Variants in ERBB4 observed in about 807,000 individuals in gnomAD.
ERBB4 encodes the protein receptor tyrosine-protein kinase erbB-4.
A neutral mutation model predicts 158.0 loss-of-function variants in ERBB4; 42 were observed. The observed-to-expected ratio is 0.27, with a 90% CI of 0.21 to 0.34. The LOEUF (loss-of-function observed/expected upper bound fraction) is 0.34. Among genes scored for constraint, ERBB4 ranks in the 10% least tolerant of loss-of-function variants. ERBB4 has a pLI of 1.00. For synonymous variants in ERBB4, 583 were observed against 558.7 expected (o/e 1.04, Z -0.61); for missense variants, 1,333 against 1,624.1 (o/e 0.82, Z 3.08).
intron 1 of ERBB4, among the ~76,000 whole-genome samples, chr2:212,368,929 C>G (rs2089990288): frequency 6.6e-6 from 1 of 152,108 alleles, no homozygotes; most frequent in Non-Finnish European, 1.5e-5. Flanking sequence ...CATTGACATC[C>G]CCTGGAACTC....
At chr2:211,540,061 A>G (rs2066756986) in intron 20 of ERBB4, among the ~76,000 whole-genome samples, 1 of 151,886 alleles carries the variant, frequency 6.6e-6, no homozygotes, top group South Asian at 2.1e-4. Flanking sequence ...GTAAGTCTTG[A>G]TGATATTGCT....
At chr2:212,025,804 C>T (rs758834349) in intron 2 of ERBB4, among the ~76,000 whole-genome samples, 21 of 151,598 alleles carry the variant, frequency 1.4e-4, no homozygotes, top group Non-Finnish European at 2.7e-4. Flanking sequence ...AAGTGATGAG[C>T]CAAAATTCAT....
intron 2 of ERBB4, among the ~76,000 whole-genome samples, chr2:212,079,027 C>A (rs542592628): frequency 6.6e-6 from 1 of 150,972 alleles, no homozygotes; most frequent in Non-Finnish European, 1.5e-5. Context: ...TTTTCTATTT[C>A]ATTTTTATAT....
chr2:211,777,865 A>G (rs1327891542), intron 4 of ERBB4: 1 of 152,208 alleles, frequency 6.6e-6, no homozygotes, highest in East Asian at 1.9e-4. Flanking sequence ...TAACTTAGAA[A>G]TTTAGTTTAA....
At chr2:211,932,789 G>A (rs2080212665) in intron 3 of ERBB4, among the ~76,000 whole-genome samples, 1 of 151,918 alleles carries the variant, frequency 6.6e-6, no homozygotes, top group Non-Finnish European at 1.5e-5. Flanking sequence ...GGATTAAAAT[G>A]TAAATGAACT....
chr2:211,974,696 AG>A (rs1406463546), intron 2 of ERBB4, among the ~76,000 whole-genome samples: 1 of 152,190 alleles, frequency 6.6e-6, no homozygotes, highest in Non-Finnish European at 1.5e-5. Context: ...CAGAGGCTGC[AG>A]TGAGCCAAGG....
chr2:211,439,778 T>C (rs971331226), intron 20 of ERBB4, among the ~76,000 whole-genome samples: 2 of 152,194 alleles, frequency 1.3e-5, no homozygotes, highest in East Asian at 3.8e-4. Flanking sequence ...ATAAATGCAA[T>C]TTAAAATCTG....
chr2:212,208,384 T>C (rs963523748), intron 1 of ERBB4, among the ~76,000 whole-genome samples: 2 of 152,246 alleles, frequency 1.3e-5, no homozygotes, highest in Admixed American at 1.3e-4. Context: ...TATAATACTA[T>C]ACCATATTAT....
intron 1 of ERBB4, among the ~76,000 whole-genome samples, chr2:212,380,930 G>A (rs2090482997): frequency 6.6e-6 from 1 of 151,188 alleles, no homozygotes; most frequent in East Asian, 1.9e-4. Flanking sequence ...ATATTGGGTA[G>A]TCGGAATTAA....
intron 1 of ERBB4, among the ~76,000 whole-genome samples, chr2:212,142,178 A>G (rs1457707525): frequency 2.0e-5 from 3 of 152,180 alleles, no homozygotes; most frequent in Admixed American, 6.6e-5. Flanking sequence ...CACTTTGAGT[A>G]GCATCATTTC....
At chr2:212,274,418 T>C (rs940429859) in intron 1 of ERBB4, among the ~76,000 whole-genome samples, 6 of 151,852 alleles carry the variant, frequency 4.0e-5, no homozygotes, top group Non-Finnish European at 5.9e-5. Context: ...CCACAATTTA[T>C]TGGGAGATGA....
chr2:211,886,391 G>C (rs2078801879), intron 3 of ERBB4, among the ~76,000 whole-genome samples: 1 of 152,106 alleles, frequency 6.6e-6, no homozygotes, highest in East Asian at 1.9e-4. Flanking sequence ...CAAGAATAAT[G>C]CATGGTACAT....
At chr2:212,010,237 G>T (rs1378561690) in intron 2 of ERBB4, among the ~76,000 whole-genome samples, 1 of 152,140 alleles carries the variant, frequency 6.6e-6, no homozygotes, top group Non-Finnish European at 1.5e-5. Context: ...TGAAGACATG[G>T]ATAAGGTATT....
intron 2 of ERBB4, among the ~76,000 whole-genome samples, chr2:212,108,185 A>G (rs1403559097): frequency 6.6e-6 from 1 of 152,210 alleles, no homozygotes; most frequent in Non-Finnish European, 1.5e-5. Flanking sequence ...TTAGGCAGGA[A>G]AGAATAAAGA....
At position 211,673,210 on chromosome 2, in the gene ERBB4, G is replaced by A; in HGVS notation, c.1670C>T (p.Pro557Leu). ...ENGSICVECD[P>L]QCEKMEDGLL... is the part of the protein sequence containing the mutation. Reference sequence around the variant, plus strand: ...GCCATCTTCCATCTTCTCACACTGGGGGTCACACTCCACACAGATGGAGCC... The same window carrying A: ...GCCATCTTCCATCTTCTCACACTGGAGGTCACACTCCACACAGATGGAGCC... The change falls in exon 14 of 28, where the codon CCC becomes CTC. Residue 557 changes from proline to leucine, a missense_variant. Pro to Leu is a moderately conservative substitution (Grantham distance 98). Transcript: ENST00000342788. The A allele has an allele frequency of 6.2e-7, 1 of 1,613,674 alleles. No homozygotes were observed. The highest frequency in any genetic ancestry group is 8.5e-7 in the Non-Finnish European group (1 of 1,179,778).
intron 3 of ERBB4, among the ~76,000 whole-genome samples, chr2:211,883,599 T>C (rs1017424800): frequency 7.9e-5 from 12 of 151,882 alleles, no homozygotes; most frequent in African/African-American, 2.7e-4. Context: ...CCAACACGGT[T>C]GGTGAAAGAA....
intron 3 of ERBB4, among the ~76,000 whole-genome samples, chr2:211,944,215 C>CTATATATAT (rs1559155459): frequency 9.1e-6 from 1 of 110,488 alleles, no homozygotes; most frequent in African/African-American, 4.0e-5. Flanking sequence ...TATATATATA[C>CTATATATAT]ACACACACAC....
intron 2 of ERBB4, among the ~76,000 whole-genome samples, chr2:212,088,854 A>T (rs1575615359): frequency 6.6e-6 from 1 of 152,300 alleles, no homozygotes; most frequent in East Asian, 1.9e-4. Context: ...TGTGTTAAGC[A>T]TTCTCATGTA....
In ERBB4 at chr2:211,428,418, A is replaced by G. The variant is rs1237275032; in HGVS notation, c.2709T>C (p.Val903=). 1.3e-6 allele frequency: 2 copies of G among 1,579,564 alleles called. No homozygotes were observed. The highest frequency in any genetic ancestry group is 1.7e-6 in the Non-Finnish European group (2 of 1,149,704). Residue 903 remains valine, a synonymous_variant, in exon 22 of 28, where the codon GTT becomes GTC. Transcript: ENST00000342788. ...AGAAGATTTATTTACCATAGCTCCA[A>G]ACGTCACTCTGATGGGTGAATTTCC... is the stretch of plus-strand genomic sequence containing the variant. ...HYRKFTHQSD[V]WSYGVTIWEL... is the part of the protein sequence containing the mutation.
Sources: gnomAD v4.1 joint callset for allele counts (sites outside exome capture counted in the v4.1 genomes callset) on GRCh38, gnomAD v4.1.1 for gene constraint, MANE v1.5 for transcripts, NCBI Gene and HGNC (gene_info 2026-07-23, HGNC 2026-07-21) for gene names.